Variants in PARD3B observed in about 807,000 individuals in gnomAD.
PARD3B encodes partitioning defective 3 homolog B.
Under a neutral mutation model 130.2 loss-of-function variants are expected in PARD3B, and 103 were observed. The ratio of observed to expected loss-of-function variants is 0.79; its 90% CI spans 0.67 to 0.93. The LOEUF (loss-of-function observed/expected upper bound fraction) is 0.93, where lower values mean the gene tolerates loss of function less well. PARD3B is among the 40% of genes least tolerant of loss of function. The pLI is 0.00. For missense variants in PARD3B, 1,609 were observed against 1,499.2 expected, an observed-to-expected ratio of 1.07 and a Z score of -1.21; for synonymous variants, 583 against 553.2, an observed-to-expected ratio of 1.05 and a Z score of -0.76.
In PARD3B at chr2:205,090,094, A is replaced by G. The variant is rs1702011951; in HGVS notation, c.505-14332A>G. Among the ~76,000 whole-genome samples, 4 of 152,268 alleles carry G rather than the reference A, an allele frequency of 2.6e-5. No homozygotes were observed. The South Asian group carries it at 8.3e-4, about 32-fold the overall frequency. On this transcript the variant is annotated intron_variant, in intron 4 of 22. Transcript: ENST00000406610. Reference sequence around the variant, plus strand: ...AGAAGAGAAGAGCAAGGTTTACATCACCACTGTGCTTAAAAACTCTTATCT... The same window carrying G: ...AGAAGAGAAGAGCAAGGTTTACATCGCCACTGTGCTTAAAAACTCTTATCT...
chr2:205,098,284 C>A (rs1702523274), intron 4 of PARD3B, among the ~76,000 whole-genome samples: 1 of 152,108 alleles, frequency 6.6e-6, no homozygotes, highest in South Asian at 2.1e-4. Flanking sequence ...TTTAAATGCA[C>A]CTGAGTTTTT....
chr2:204,570,463 C>T (rs953404799), intron 1 of PARD3B, among the ~76,000 whole-genome samples: 4 of 152,106 alleles, frequency 2.6e-5, no homozygotes, highest in African/African-American at 9.7e-5. Context: ...TGATTCTGTC[C>T]ATCTAGCTGG....
At chr2:204,949,408 C>T (rs150772108) in intron 2 of PARD3B, among the ~76,000 whole-genome samples, 339 of 152,214 alleles carry the variant, frequency 2.2e-3, no homozygotes, top group African/African-American at 7.9e-3. Context: ...GCCTTGACCT[C>T]CTAGGCTCAA....
intron 18 of PARD3B, among the ~76,000 whole-genome samples, chr2:205,356,998 C>G (rs1574793442): frequency 6.6e-6 from 1 of 151,978 alleles, no homozygotes; most frequent in South Asian, 2.1e-4. Flanking sequence ...AAACTATTAT[C>G]TATTGTTTCT....
rs560839035 is a variant in PARD3B, at chr2:205,281,743, A to G, written c.2186-18787A>G. 6.6e-6 allele frequency among the ~76,000 whole-genome samples: 1 copy of G among 152,350 alleles called. No homozygotes were observed. The highest frequency in any genetic ancestry group is 2.4e-5 in the African/African-American group (1 of 41,590). On this transcript the variant is annotated intron_variant, in intron 16 of 22. Coordinates refer to ENST00000406610, the MANE Select transcript of PARD3B (RefSeq NM_001302769.2). This position sits in a 1 kb window ranked among gnomAD's most constrained non-coding sequence, Gnocchi z 4.2. ...AATCAAAGCCATTTCATCTTCAAAT[A>G]GCCCAGTGATGAAACTCCTGGGCAG...
chr2:205,356,758 G>C (rs1374739809), intron 18 of PARD3B, among the ~76,000 whole-genome samples: 1 of 152,014 alleles, frequency 6.6e-6, no homozygotes, highest in East Asian at 1.9e-4. Flanking sequence ...GGGTGTGGTA[G>C]CAGGCACCTG....
At chr2:204,713,556 C>T (rs146361679) in intron 2 of PARD3B, among the ~76,000 whole-genome samples, 479 of 152,054 alleles carry the variant, frequency 3.2e-3, no homozygotes, top group Middle Eastern at 0.01. Context: ...ACACTAGTTT[C>T]CTGTTTCCCC....
intron 22 of PARD3B, among the ~76,000 whole-genome samples, chr2:205,566,571 A>G (rs2053341193): frequency 6.6e-6 from 1 of 152,168 alleles, no homozygotes. Context: ...GGGAGAGATC[A>G]TGGTTAAGCT....
chr2:205,440,316 G>A lies in PARD3B; in HGVS notation c.2742-54G>A. 3.3e-6 allele frequency: 5 copies of A among 1,505,508 alleles called. No homozygotes were observed. Among genetic ancestry groups the A allele is most frequent in the Non-Finnish European group, 4.6e-6 (5 of 1,090,366 alleles). 93.3% of individuals were successfully genotyped at this position (1,505,508 alleles called of 1,614,324 possible). On this transcript the variant is annotated intron_variant, in intron 19 of 22. Coordinates refer to ENST00000406610, the MANE Select transcript of PARD3B (RefSeq NM_001302769.2). The surrounding 1 kb of genome is among the most constrained non-coding windows in gnomAD (Gnocchi z 4.2). ...CATAAATTCAAGAGAGTATTTCATTGTATTATTATATGAAACTCACATACA... is the reference window on the plus strand; with the variant it reads ...CATAAATTCAAGAGAGTATTTCATTATATTATTATATGAAACTCACATACA...
Position 205,146,040 on chromosome 2 carries a change from G to A in PARD3B, c.1435-12682G>A, listed in dbSNP as rs2033332640. Among the ~76,000 whole-genome samples, 1 of 152,148 alleles carries A rather than the reference G, an allele frequency of 6.6e-6. No homozygotes were observed. Among genetic ancestry groups the A allele is most frequent in the South Asian group, 2.1e-4 (1 of 4,830 alleles). ...TCCTGGGGAAGCGCCAGCAGCCTGT[G>A]GATTGACTGTCCATAGCGAAGGGCA... On this transcript the variant is annotated intron_variant, in intron 10 of 22. Coordinates refer to ENST00000406610, the MANE Select transcript of PARD3B (RefSeq NM_001302769.2). This position sits in a 1 kb window ranked among gnomAD's most constrained non-coding sequence, Gnocchi z 4.3.
At chr2:205,109,193 A>C (rs944447459) in intron 5 of PARD3B, among the ~76,000 whole-genome samples, 52 of 152,196 alleles carry the variant, frequency 3.4e-4, no homozygotes, top group African/African-American at 1.2e-3. Context: ...TACTCAGTAC[A>C]TTTGCATCCT....
At chr2:204,918,519 A>G (rs1034211912) in intron 2 of PARD3B, among the ~76,000 whole-genome samples, 1 of 150,196 alleles carries the variant, frequency 6.7e-6, no homozygotes, top group African/African-American at 2.4e-5. Context: ...AGTCCCAGCT[A>G]CTTGGGAGGC....
intron 15 of PARD3B, among the ~76,000 whole-genome samples, chr2:205,237,031 G>A (rs888851193): frequency 6.6e-6 from 1 of 152,182 alleles, no homozygotes; most frequent in Non-Finnish European, 1.5e-5. Flanking sequence ...GTGCTTCAAA[G>A]ATAAAATAAT....
At chr2:205,569,469 T>C (rs892650710) in intron 22 of PARD3B, among the ~76,000 whole-genome samples, 2 of 152,224 alleles carry the variant, frequency 1.3e-5, no homozygotes, top group East Asian at 1.9e-4. Context: ...TTTTGGCACT[T>C]CTACAGCAGG....
chr2:204,760,277 A>C (rs2040844332), intron 2 of PARD3B, among the ~76,000 whole-genome samples: 1 of 152,124 alleles, frequency 6.6e-6, no homozygotes, highest in African/African-American at 2.4e-5. Context: ...GTTGATATAC[A>C]TGAAATTAAT....
chr2:205,088,600 G>A (rs748738399), intron 4 of PARD3B, among the ~76,000 whole-genome samples: 114 of 152,014 alleles, frequency 7.5e-4, no homozygotes, highest in Non-Finnish European at 9.7e-4. Flanking sequence ...CACTATGTTC[G>A]GGCAAAACTC....
intron 13 of PARD3B, among the ~76,000 whole-genome samples, chr2:205,180,075 A>G (rs1346599600): frequency 1.3e-5 from 2 of 152,034 alleles, no homozygotes; most frequent in Non-Finnish European, 2.9e-5. Context: ...AAAAAAATAT[A>G]TAAATTAACT....
chr2:204,845,599 A>G (rs2044429784), intron 2 of PARD3B, among the ~76,000 whole-genome samples: 3 of 152,098 alleles, frequency 2.0e-5, no homozygotes, highest in Admixed American at 2.0e-4. Context: ...GCACCTATGC[A>G]TGAAATCTGA....
chr2:205,485,932 C>T (rs1445188039), intron 20 of PARD3B, among the ~76,000 whole-genome samples: 3 of 152,162 alleles, frequency 2.0e-5, no homozygotes, highest in African/African-American at 4.8e-5. Flanking sequence ...CATGATACTT[C>T]CTCTTAATAA....
Sources: allele counts gnomAD v4.1 joint callset (sites outside exome capture counted in the v4.1 genomes callset), GRCh38; gene constraint gnomAD v4.1.1; non-coding constraint Gnocchi (gnomAD v3.1); transcripts MANE v1.5; gene names NCBI Gene and HGNC (gene_info 2026-07-23, HGNC 2026-07-21).